The following SMOC2 variants were observed in gnomAD, a reference collection of about 807,000 sequenced individuals.
The protein encoded by SMOC2 is SPARC-related modular calcium-binding protein 2.
Under a neutral mutation model 61.4 loss-of-function variants are expected in SMOC2, and 39 were observed. The observed-to-expected ratio is 0.64, with a 90% CI of 0.49 to 0.83. The LOEUF (loss-of-function observed/expected upper bound fraction) is 0.83, where lower values mean the gene tolerates loss of function less well. SMOC2 is among the 40% of genes least tolerant of loss of function. The pLI is 0.00. For missense variants in SMOC2, 556 were observed against 592.9 expected, an observed-to-expected ratio of 0.94 and a Z score of 0.65; for synonymous variants, 247 against 239.9, an observed-to-expected ratio of 1.03 and a Z score of -0.27.
intron 11 of SMOC2, among the ~76,000 whole-genome samples, chr6:168,658,249 C>G (rs967863510): frequency 6.6e-6 from 1 of 152,196 alleles, no homozygotes; most frequent in African/African-American, 2.4e-5. Flanking sequence ...GTTGCCCCAT[C>G]TGCATGTGAT....
At chr6:168,476,974 T>C (rs1395215607) in intron 1 of SMOC2, among the ~76,000 whole-genome samples, 1 of 152,232 alleles carries the variant, frequency 6.6e-6, no homozygotes, top group Non-Finnish European at 1.5e-5. Context: ...AGAGCCTACA[T>C]TCATCATAGA....
chr6:168,531,063 A>G (rs954477179), intron 4 of SMOC2, among the ~76,000 whole-genome samples: 2 of 152,094 alleles, frequency 1.3e-5, no homozygotes, highest in African/African-American at 4.8e-5. Context: ...AGGCACCCCA[A>G]CCACAAATCC....
At chr6:168,567,015 T>A (rs1425940769) in intron 7 of SMOC2, among the ~76,000 whole-genome samples, 1 of 152,244 alleles carries the variant, frequency 6.6e-6, no homozygotes, top group African/African-American at 2.4e-5. Context: ...CCTCGCATTT[T>A]TATAGCTCAT....
Position 168,598,945 on chromosome 6 carries a change from G to T in SMOC2, c.765G>T (p.Thr255=). ...LYKPVQCHPS[T]GYCWCVLVDT... Reference sequence around the variant, plus strand: ...AGCCAGTGCAGTGCCACCCCTCCACGGGGTACTGCTGGTGCGTCCTGGTGG... The same window carrying T: ...AGCCAGTGCAGTGCCACCCCTCCACTGGGTACTGCTGGTGCGTCCTGGTGG... The change falls in exon 8 of 13, where the codon ACG becomes ACT. Residue 255 remains threonine, a synonymous_variant. Transcript: ENST00000356284. 1 of 1,613,544 alleles carries T rather than the reference G, an allele frequency of 6.2e-7. No homozygotes were observed. Among genetic ancestry groups the T allele is most frequent in the Non-Finnish European group, 8.5e-7 (1 of 1,179,664 alleles).
At chr6:168,464,136 T>C (rs1319253969) in intron 1 of SMOC2, among the ~76,000 whole-genome samples, 1 of 138,324 alleles carries the variant, frequency 7.2e-6, no homozygotes, top group African/African-American at 2.7e-5. Flanking sequence ...GGCTGCAGTG[T>C]GCTGAGATCA....
chr6:168,510,076 A>G lies in SMOC2; in HGVS notation c.246A>G (p.Gly82=). 6.2e-7 allele frequency: 1 copy of G among 1,614,044 alleles called. No homozygotes were observed. Among genetic ancestry groups the G allele is most frequent in the Non-Finnish European group, 8.5e-7 (1 of 1,179,892 alleles). The part of the protein sequence containing the change: ...KDPQLEIAYR[G]NCKDVSRCVA... ...CCCAGCTAGAGATTGCATATCGAGG[A>G]AACTGCAAAGGTAAGCTGCTGTTTG... Residue 82 remains glycine (G), a synonymous_variant, in exon 2 of 13, where the codon GGA becomes GGG. Coordinates refer to ENST00000356284, the MANE Select transcript of SMOC2 (RefSeq NM_001166412.2).
At chr6:168,590,991 A>C (rs994700040) in intron 7 of SMOC2, among the ~76,000 whole-genome samples, 3 of 152,224 alleles carry the variant, frequency 2.0e-5, no homozygotes, top group African/African-American at 7.2e-5. Flanking sequence ...AAATTTATAG[A>C]AGTAAATTGG....
chr6:168,655,351 T>A (rs1392220524), intron 11 of SMOC2: 1 of 455,306 alleles, frequency 2.2e-6, no homozygotes, highest in African/African-American at 2.0e-5. Flanking sequence ...TTTTAACAAT[T>A]GAAAATACTT....
intron 8 of SMOC2, among the ~76,000 whole-genome samples, chr6:168,604,753 A>G (rs1031910064): frequency 1.8e-4 from 28 of 152,344 alleles, no homozygotes; most frequent in African/African-American, 5.3e-4. Flanking sequence ...GTCACCATGC[A>G]TGAGAATTAA....
chr6:168,623,450 G>A (rs1179364750), intron 9 of SMOC2, among the ~76,000 whole-genome samples: 2 of 149,138 alleles, frequency 1.3e-5, no homozygotes, highest in East Asian at 2.0e-4. Flanking sequence ...CTCAGCCTCC[G>A]AGTAACTAGG....
intron 7 of SMOC2, among the ~76,000 whole-genome samples, chr6:168,575,606 T>C (rs1784783096): frequency 6.6e-6 from 1 of 152,146 alleles, no homozygotes; most frequent in Non-Finnish European, 1.5e-5. Flanking sequence ...GAAGGGTCTG[T>C]CTTTACTGTG....
At position 168,533,792 on chromosome 6, in the gene SMOC2, A is replaced by G. The variant is rs9456165; in HGVS notation, c.463+6065A>G. ...TCAATACCATTGAAAGAAATGTGAA[A>G]GAAATTTAAAAGAAAATGTAAAAAC... On this transcript the variant is annotated intron_variant, in intron 4 of 12. Coordinates refer to ENST00000356284, the MANE Select transcript of SMOC2 (RefSeq NM_001166412.2). 3.5e-3 allele frequency among the ~76,000 whole-genome samples: 534 copies of G among 152,358 alleles called. 6 individuals carry two copies. The highest frequency in any genetic ancestry group is 0.028 in the South Asian group (134 of 4,824).
intron 9 of SMOC2, among the ~76,000 whole-genome samples, chr6:168,621,391 C>T (rs1057249277): frequency 2.0e-5 from 3 of 152,226 alleles, no homozygotes. Context: ...AAGGAACACA[C>T]ATTATCTGCC....
At position 168,475,481 on chromosome 6, in the gene SMOC2, G is replaced by A. The variant is rs576937420; in HGVS notation, c.84+34027G>A. ...CCCTGAGGGAAGCATGGTCTCATGC[G>A]GGCTCTGAGCAAGACGGGTGAGATG... On this transcript the variant is annotated intron_variant, in intron 1 of 12. Transcript: ENST00000356284. The surrounding 1 kb of genome is among the most constrained non-coding windows in gnomAD (Gnocchi z 4.6). 7.2e-5 allele frequency among the ~76,000 whole-genome samples: 11 copies of A among 152,184 alleles called. No individual in the cohort carries two copies. Among genetic ancestry groups the A allele is most frequent in the East Asian group, 5.8e-4 (3 of 5,170 alleles).
intron 1 of SMOC2, among the ~76,000 whole-genome samples, chr6:168,485,498 G>A (rs1782309640): frequency 6.6e-6 from 1 of 152,106 alleles, no homozygotes; most frequent in Admixed American, 6.6e-5. Context: ...ACCATAAAAA[G>A]GAATGAAGTG....
chr6:168,635,605 T>C (rs568087252), intron 9 of SMOC2, among the ~76,000 whole-genome samples: 1 of 152,322 alleles, frequency 6.6e-6, no homozygotes, highest in Non-Finnish European at 1.5e-5. Context: ...GCATGGTGGC[T>C]CACGCCTGTA....
At chr6:168,442,801 TCTG>T (rs1242810824) in intron 1 of SMOC2, among the ~76,000 whole-genome samples, 2 of 152,220 alleles carry the variant, frequency 1.3e-5, no homozygotes, top group African/African-American at 4.8e-5. Flanking sequence ...CTCAAATTCT[TCTG>T]CAGCAGCCCG....
rs187210881 is a variant in SMOC2 at position 168,580,306 on chromosome 6, T to G, written c.638-18512T>G. ...AACCCTGTTTTTTAGAACATACATT[T>G]GAGTATGAGCTTCCTATAGTATCTA... On this transcript the variant is annotated intron_variant, in intron 7 of 12. Coordinates refer to ENST00000356284, the MANE Select transcript of SMOC2 (RefSeq NM_001166412.2). 4.0e-3 allele frequency among the ~76,000 whole-genome samples: 612 copies of G among 152,336 alleles called. 5 individuals are homozygous for G. Among genetic ancestry groups the G allele is most frequent in the African/African-American group, 0.014 (576 of 41,580 alleles).
At chr6:168,652,401 G>A (rs1019499066) in intron 10 of SMOC2, among the ~76,000 whole-genome samples, 3 of 152,174 alleles carry the variant, frequency 2.0e-5, no homozygotes, top group Admixed American at 6.5e-5. Context: ...TCCATCTCAC[G>A]GAGAAGGTGC....
Sources: gnomAD v4.1 joint callset for allele counts (sites outside exome capture counted in the v4.1 genomes callset) on GRCh38, gnomAD v4.1.1 for gene constraint, Gnocchi (gnomAD v3.1) non-coding constraint, MANE v1.5 for transcripts, NCBI Gene and HGNC (gene_info 2026-07-23, HGNC 2026-07-21) for gene names.